The following CCSER1 variants were observed in gnomAD, a reference collection of about 807,000 sequenced individuals.
CCSER1 encodes the protein coiled-coil serine rich protein 1, also known as serine-rich coiled-coil domain-containing protein 1.
A neutral mutation model predicts 82.0 loss-of-function variants in CCSER1; 41 were observed. The ratio of observed to expected loss-of-function variants is 0.50; its 90% CI spans 0.39 to 0.65. CCSER1 has a LOEUF of 0.65. Ranked by LOEUF, CCSER1 falls within the 30% of genes least tolerant of loss-of-function variation. The probability of loss-of-function intolerance (pLI) is 0.00; values close to 1 mark genes in which losing one functional copy is unlikely to be tolerated. For missense variants in CCSER1, 1,119 were observed against 1,064.2 expected, an observed-to-expected ratio of 1.05 and a Z score of -0.72; for synonymous variants, 414 against 383.9, an observed-to-expected ratio of 1.08 and a Z score of -0.92.
intron 10 of CCSER1, among the ~76,000 whole-genome samples, chr4:91,250,923 A>G (rs1011055783): frequency 5.9e-5 from 9 of 152,172 alleles, no homozygotes; most frequent in African/African-American, 1.7e-4. Context: ...AAATAAAAAT[A>G]TATAATATCT....
chr4:90,154,097 G>A (rs1276140166), intron 1 of CCSER1, among the ~76,000 whole-genome samples: 1 of 152,104 alleles, frequency 6.6e-6, no homozygotes, highest in Admixed American at 6.6e-5. Context: ...TCTACATATG[G>A]CTAGCCAGTT....
At position 90,923,353 on chromosome 4, in the gene CCSER1, G is replaced by T. The variant is rs765658245; in HGVS notation, c.2095-17G>T. 2 of 1,545,622 alleles carry T rather than the reference G, an allele frequency of 1.3e-6. No individual in the cohort carries two copies. On this transcript the variant is annotated splice_polypyrimidine_tract_variant and intron_variant, in intron 8 of 10. Coordinates refer to ENST00000509176, the MANE Select transcript of CCSER1 (RefSeq NM_001145065.2). Reference sequence around the variant, plus strand: ...ACCTCACCAACAATGTGTTGTTGCTGTTTTTTCATTTTGCAGGGAAAAGTC... The same window carrying T: ...ACCTCACCAACAATGTGTTGTTGCTTTTTTTTCATTTTGCAGGGAAAAGTC...
At chr4:91,329,484 G>A (rs1388780044) in intron 10 of CCSER1, among the ~76,000 whole-genome samples, 2 of 152,294 alleles carry the variant, frequency 1.3e-5, no homozygotes, top group Non-Finnish European at 2.9e-5. Flanking sequence ...TTTTATGGGT[G>A]TGTTAGTCAT....
rs59726185 is a variant in CCSER1 at position 90,957,525 on chromosome 4, A to C, written c.2172+34078A>C. Among the ~76,000 whole-genome samples, 61 of 124,390 alleles carry C rather than the reference A, an allele frequency of 4.9e-4. No homozygotes were observed. In the South Asian group the frequency reaches 9.5e-3, roughly 19 times the overall value. 81.6% of individuals were successfully genotyped at this position (124,390 alleles called of 152,430 possible). ...ATATTATATAATATAACATAATATC[A>C]TATATTATATATATTATATAATTAT... is the stretch of plus-strand genomic sequence containing the variant. On this transcript the variant is annotated intron_variant, in intron 9 of 10. Transcript: ENST00000509176.
chr4:90,180,179 C>G (rs965504343), intron 1 of CCSER1, among the ~76,000 whole-genome samples: 2 of 150,054 alleles, frequency 1.3e-5, no homozygotes, highest in Non-Finnish European at 3.0e-5. Context: ...AGTGGAGAAA[C>G]GATAACTAAA....
At chr4:90,857,794 C>T (rs946909890) in intron 8 of CCSER1, among the ~76,000 whole-genome samples, 1 of 151,936 alleles carries the variant, frequency 6.6e-6, no homozygotes, top group Non-Finnish European at 1.5e-5. Context: ...GCAGGATTAA[C>T]AAGTGGAGAG....
chr4:91,146,715 G>C (rs1218025809), intron 10 of CCSER1, among the ~76,000 whole-genome samples: 1 of 152,032 alleles, frequency 6.6e-6, no homozygotes, highest in East Asian at 1.9e-4. Flanking sequence ...GAGGGCCAAG[G>C]CTCTGTATGG....
chr4:90,942,241 C>T (rs866657154), intron 9 of CCSER1, among the ~76,000 whole-genome samples: 2 of 152,146 alleles, frequency 1.3e-5, no homozygotes, highest in South Asian at 2.1e-4. Context: ...GTGTGAGCCA[C>T]TACGCCCAGC....
intron 5 of CCSER1, among the ~76,000 whole-genome samples, chr4:90,512,187 T>C (rs2153618162): frequency 1.3e-5 from 2 of 152,138 alleles, no homozygotes; most frequent in South Asian, 4.1e-4. Context: ...AGAATGGAGA[T>C]GCAATATAGG....
chr4:91,516,776 A>C (rs919181783), intron 10 of CCSER1, among the ~76,000 whole-genome samples: 3 of 152,156 alleles, frequency 2.0e-5, no homozygotes, highest in African/African-American at 7.2e-5. Context: ...GTAGCATTGA[A>C]TCTGTAAATT....
intron 10 of CCSER1, among the ~76,000 whole-genome samples, chr4:91,159,386 A>G (rs1201603826): frequency 1.3e-5 from 2 of 151,902 alleles, no homozygotes; most frequent in African/African-American, 2.4e-5. Flanking sequence ...ACTCTCCTAT[A>G]TTCTTGTCAT....
chr4:91,129,907 T>C (rs1028497780), intron 10 of CCSER1: 1 of 152,038 alleles, frequency 6.6e-6, no homozygotes, highest in African/African-American at 2.4e-5. Context: ...TAAAGTTTTC[T>C]CTAAGAAGTG....
intron 10 of CCSER1, among the ~76,000 whole-genome samples, chr4:91,139,735 T>C (rs952930198): frequency 2.6e-5 from 4 of 152,190 alleles, no homozygotes; most frequent in Non-Finnish European, 5.9e-5. Flanking sequence ...TTGGAAATTA[T>C]GTTAAACACT....
At chr4:91,558,338 A>G (rs1762498826) in intron 10 of CCSER1, among the ~76,000 whole-genome samples, 1 of 151,618 alleles carries the variant, frequency 6.6e-6, no homozygotes, top group African/African-American at 2.4e-5. Context: ...TAGCTAGCGT[A>G]TTGTTTTTTG....
chr4:90,150,581 A>G (rs888262305), intron 1 of CCSER1, among the ~76,000 whole-genome samples: 11 of 152,196 alleles, frequency 7.2e-5, no homozygotes, highest in African/African-American at 2.2e-4. Flanking sequence ...ATTTACTTGT[A>G]ATTGTACCTC....
chr4:91,152,218 C>T (rs762446135), intron 10 of CCSER1, among the ~76,000 whole-genome samples: 12 of 152,148 alleles, frequency 7.9e-5, no homozygotes, highest in Non-Finnish European at 1.8e-4. Flanking sequence ...GATCCCTTTA[C>T]CATTATGTAA....
chr4:91,383,812 C>T (rs370854044), intron 10 of CCSER1, among the ~76,000 whole-genome samples: 3 of 152,238 alleles, frequency 2.0e-5, no homozygotes, highest in African/African-American at 7.2e-5. Flanking sequence ...TATTACATTA[C>T]ACAGAATTGT....
At chr4:91,521,348 A>G (rs532218683) in intron 10 of CCSER1, among the ~76,000 whole-genome samples, 3 of 152,316 alleles carry the variant, frequency 2.0e-5, no homozygotes, top group East Asian at 1.9e-4. Context: ...ATGCATGTGC[A>G]TGTGTCTTTA....
chr4:91,125,106 A>C (rs997842019), intron 10 of CCSER1, among the ~76,000 whole-genome samples: 6 of 151,856 alleles, frequency 4.0e-5, no homozygotes, highest in African/African-American at 1.4e-4. Flanking sequence ...TGGGATTAAA[A>C]CTTGCTTCTA....
Sources: gnomAD v4.1 joint callset for allele counts (sites outside exome capture counted in the v4.1 genomes callset) on GRCh38, gnomAD v4.1.1 for gene constraint, MANE v1.5 for transcripts, NCBI Gene and HGNC (gene_info 2026-07-23, HGNC 2026-07-21) for gene names.